GSG1L: variants seen among roughly 807,000 people sequenced by gnomAD.
GSG1L encodes the protein germ cell-specific gene 1-like protein.
A neutral mutation model predicts 42.1 loss-of-function variants in GSG1L; 24 were observed. The observed-to-expected ratio is 0.57, with a 90% CI of 0.41 to 0.80. The LOEUF is 0.80. Ranked by LOEUF, GSG1L falls within the 30% of genes least tolerant of loss-of-function variation. GSG1L has a pLI of 0.00. For synonymous variants in GSG1L, 215 were observed against 203.5 expected (o/e 1.06, Z -0.48); for missense variants, 445 against 472.2 (o/e 0.94, Z 0.53).
At chr16:28,007,440 C>T (rs2085653872) in intron 1 of GSG1L, among the ~76,000 whole-genome samples, 1 of 152,142 alleles carries the variant, frequency 6.6e-6, no homozygotes, top group Non-Finnish European at 1.5e-5. Context: ...GACTCCTGTC[C>T]TCCAGAACTG....
intron 1 of GSG1L, among the ~76,000 whole-genome samples, chr16:28,052,303 TA>T (rs1450756595): frequency 6.6e-6 from 1 of 152,010 alleles, no homozygotes; most frequent in Non-Finnish European, 1.5e-5. Context: ...TATTAAAAAA[TA>T]TTTTTTTAGA....
rs1273527128 is a variant in GSG1L, at chr16:27,789,622, AAATAGCTAACG to A, written c.*1737_*1747del. On this transcript the variant is annotated 3_prime_UTR_variant, in exon 7 of 7. Transcript: ENST00000447459. ...ATAGATGGAGGAATGGATAATGGAT[AAATAGCTAACG>A]AATGGGTGGATGGATGATGAATGGA... is the stretch of plus-strand genomic sequence containing the variant. 1 of 151,882 alleles carries A rather than the reference AAATAGCTAACG, an allele frequency of 6.6e-6. No homozygotes were observed. The highest frequency in any genetic ancestry group is 2.4e-5 in the African/African-American group (1 of 41,328). The allele number at this position is 151,882 out of a possible 1,614,324, so 9.4% of individuals were successfully genotyped here. A position where few individuals can be genotyped will look rare whatever the true frequency, so the allele number is the denominator to read the frequency against.
intron 2 of GSG1L, among the ~76,000 whole-genome samples, chr16:27,888,344 G>A (rs550726827): frequency 4.5e-4 from 68 of 152,258 alleles, no homozygotes; most frequent in African/African-American, 1.6e-3. Context: ...TGGGGAAATA[G>A]GCACGGGTAC....
chr16:27,848,918 T>G (rs186393903), intron 3 of GSG1L, among the ~76,000 whole-genome samples: 271 of 152,074 alleles, frequency 1.8e-3, no homozygotes, highest in African/African-American at 6.3e-3. Context: ...AGGATGGGCC[T>G]GGTGCGGTGG....
At chr16:27,925,208 G>T (rs2084576851) in intron 2 of GSG1L, among the ~76,000 whole-genome samples, 1 of 152,186 alleles carries the variant, frequency 6.6e-6, no homozygotes, top group East Asian at 1.9e-4. Flanking sequence ...CTGAGTAAAG[G>T]AATTAAAATT....
intron 3 of GSG1L, among the ~76,000 whole-genome samples, chr16:27,881,898 G>A (rs2083961460): frequency 6.6e-6 from 1 of 152,008 alleles, no homozygotes; most frequent in Non-Finnish European, 1.5e-5. Context: ...TCTCCACTTA[G>A]GCCTTGTTGC....
chr16:27,946,687 A>AGAAAGAAG (rs2084876826), intron 2 of GSG1L, among the ~76,000 whole-genome samples: 1 of 147,714 alleles, frequency 6.8e-6, no homozygotes, highest in Non-Finnish European at 1.5e-5. Context: ...AAAGAAAGAA[A>AGAAAGAAG]GAAAGAATTA....
chr16:28,041,665 C>A (rs1254955670), intron 1 of GSG1L, among the ~76,000 whole-genome samples: 1 of 152,156 alleles, frequency 6.6e-6, no homozygotes, highest in Non-Finnish European at 1.5e-5. Flanking sequence ...CCTAACAGAT[C>A]TCCCCAGGCC....
chr16:27,929,486 G>A (rs1399303045), intron 2 of GSG1L, among the ~76,000 whole-genome samples: 2 of 152,168 alleles, frequency 1.3e-5, no homozygotes, highest in Non-Finnish European at 2.9e-5. Flanking sequence ...TTCCCTCTGG[G>A]ACTGCTAAGT....
At chr16:27,855,739 A>G (rs947317975) in intron 3 of GSG1L, among the ~76,000 whole-genome samples, 3 of 150,206 alleles carry the variant, frequency 2.0e-5, no homozygotes, top group East Asian at 1.9e-4. Flanking sequence ...AAAAAAAAAA[A>G]AGAGACCAAC....
At chr16:27,861,395 A>C (rs1224703497) in intron 3 of GSG1L, among the ~76,000 whole-genome samples, 1 of 152,090 alleles carries the variant, frequency 6.6e-6, no homozygotes, top group Non-Finnish European at 1.5e-5. Flanking sequence ...AAAAATTAAA[A>C]AAAAGAGAAA....
chr16:27,946,459 C>T (rs982282204), intron 2 of GSG1L, among the ~76,000 whole-genome samples: 1 of 151,082 alleles, frequency 6.6e-6, no homozygotes, highest in Non-Finnish European at 1.5e-5. Context: ...GCAAAAGAAT[C>T]GCTTGAGCCC....
chr16:27,972,471 G>T (rs1260101897), intron 1 of GSG1L, among the ~76,000 whole-genome samples: 4 of 152,236 alleles, frequency 2.6e-5, no homozygotes, highest in Non-Finnish European at 4.4e-5. Flanking sequence ...GCTTTTAGAA[G>T]TGACCCATAA....
At chr16:27,853,499 G>A (rs182754030) in intron 3 of GSG1L, among the ~76,000 whole-genome samples, 7 of 152,228 alleles carry the variant, frequency 4.6e-5, no homozygotes, top group Non-Finnish European at 1.0e-4. Flanking sequence ...GGGGTGAGCC[G>A]ATTGGCATCT....
chr16:27,921,787 G>A (rs754249573), intron 2 of GSG1L, among the ~76,000 whole-genome samples: 32 of 152,046 alleles, frequency 2.1e-4, no homozygotes, highest in Admixed American at 1.0e-3. Flanking sequence ...TGTCTTATGC[G>A]GCAGCCCCTT....
At chr16:27,821,906 A>C (rs2083154620) in intron 5 of GSG1L, among the ~76,000 whole-genome samples, 1 of 112,922 alleles carries the variant, frequency 8.9e-6, no homozygotes, top group Non-Finnish European at 1.8e-5. Flanking sequence ...TGTCTCAAAA[A>C]AGTAAATAAA....
chr16:27,918,126 A>C (rs1263103425), intron 2 of GSG1L, among the ~76,000 whole-genome samples: 1 of 152,252 alleles, frequency 6.6e-6, no homozygotes, highest in African/African-American at 2.4e-5. Context: ...TGCAGCAGAC[A>C]TTTCATTGTA....
At chr16:27,914,126 T>C (rs938871936) in intron 2 of GSG1L, among the ~76,000 whole-genome samples, 8 of 152,190 alleles carry the variant, frequency 5.3e-5, no homozygotes, top group Non-Finnish European at 8.8e-5. Flanking sequence ...AGCATTCCAT[T>C]TTTTGCTATT....
Position 27,978,430 on chromosome 16 carries a change from C to T in GSG1L, c.350-15227G>A, listed in dbSNP as rs58996957. On this transcript the variant is annotated intron_variant, in intron 1 of 6. Transcript: ENST00000447459. ...TGTGCCAGCTGGGCGCAGTGGCTCA[C>T]GCCTGTAATCCCAGCACTTTGGGAA... Among the ~76,000 whole-genome samples the T allele has an allele frequency of 5.0e-3, 760 of 150,558 alleles. 8 individuals are homozygous for T. Among genetic ancestry groups the T allele is most frequent in the African/African-American group, 0.017 (708 of 40,864 alleles).
Sources: allele counts gnomAD v4.1 joint callset (sites outside exome capture counted in the v4.1 genomes callset), GRCh38; gene constraint gnomAD v4.1.1; transcripts MANE v1.5; gene names NCBI Gene and HGNC (gene_info 2026-07-23, HGNC 2026-07-21).